The following PI4KA variants were observed in gnomAD, a reference collection of about 807,000 sequenced individuals.
PI4KA encodes the protein PI4-kinase alpha.
Under a neutral mutation model 271.4 loss-of-function variants are expected in PI4KA, and 122 were observed. The observed-to-expected ratio is 0.45, with a 90% CI of 0.39 to 0.52. The LOEUF (loss-of-function observed/expected upper bound fraction) is 0.52. Ranked by LOEUF, PI4KA falls within the 20% of genes least tolerant of loss-of-function variation. The probability of loss-of-function intolerance (pLI) is 0.00; values close to 1 mark genes in which losing one functional copy is unlikely to be tolerated. For missense variants in PI4KA, 1,969 were observed against 2,769.1 expected, an observed-to-expected ratio of 0.71 and a Z score of 6.48; for synonymous variants, 1,041 against 1,078.8, an observed-to-expected ratio of 0.96 and a Z score of 0.69.
Position 20,779,383 on chromosome 22 carries a change from C to G in PI4KA, c.2329-13690G>C, listed in dbSNP as rs749720054. On this transcript the variant is annotated intron_variant, in intron 19 of 54. Coordinates refer to ENST00000255882, the MANE Select transcript of PI4KA (RefSeq NM_058004.4). ...TCTGCGTGGGGTGGGAGCAAAGGCC[C>G]GCTGGATCAGCTAGAGAAAGGAGGG... 3.1e-6 allele frequency: 5 copies of G among 1,614,100 alleles called. No individual in the cohort carries two copies. The African/African-American group carries it at 5.3e-5, about 17-fold the overall frequency.
intron 23 of PI4KA, among the ~76,000 whole-genome samples, chr22:20,756,964 CT>C (rs1931379920): frequency 1.3e-5 from 2 of 152,202 alleles, no homozygotes; most frequent in African/African-American, 2.4e-5. Context: ...AAAAAGGCCA[CT>C]CTCCTCTTAA....
intron 18 of PI4KA, among the ~76,000 whole-genome samples, chr22:20,794,322 C>T (rs1048570901): frequency 3.9e-5 from 6 of 152,192 alleles, no homozygotes; most frequent in African/African-American, 9.7e-5. Flanking sequence ...GCTCCTGAAA[C>T]GCCCCTCAGA....
chr22:20,761,539 G>A (rs765184301), intron 22 of PI4KA, among the ~76,000 whole-genome samples, 153 bp from the exon 23 acceptor site: 26 of 152,174 alleles, frequency 1.7e-4, no homozygotes, highest in Non-Finnish European at 2.8e-4. Context: ...GGAGGGTGAG[G>A]TGCACCATCT....
At chr22:20,741,544 A>G (rs1423018075) in intron 32 of PI4KA, among the ~76,000 whole-genome samples, 1 of 152,186 alleles carries the variant, frequency 6.6e-6, no homozygotes, top group Non-Finnish European at 1.5e-5. Context: ...CCACGAGGTT[A>G]TAAAATAGCA....
rs771950804 is a variant in PI4KA, at chr22:20,714,487, C to T, written c.5432G>A (p.Arg1811Gln). 7 of 1,613,202 alleles carry T rather than the reference C, an allele frequency of 4.3e-6. No individual in the cohort carries two copies. Among genetic ancestry groups the T allele is most frequent in the Admixed American group, 1.7e-5 (1 of 59,910 alleles). ...APYLAKFKVK[R>Q]CGVSELEKEG... ...TTTTTCAAGTTCACTAACTCCACAT[C>T]GCTTCACCTTGAACTTGGCCAGATA... is the stretch of plus-strand genomic sequence containing the variant. The change falls in exon 47 of 55, where the codon CGA becomes CAA. Residue 1811 changes from arginine to glutamine, a missense_variant. Physicochemically the swap from Arg to Gln is conservative, Grantham distance 43. Around this residue, in one of 13 missense-constraint regions of PI4KA, gnomAD observed 388 missense variants for 521.5 expected, o/e 0.74. Transcript: ENST00000255882.
At chr22:20,750,030 G>C in intron 27 of PI4KA, 36 bp from the exon 28 acceptor site, 1 of 1,419,860 alleles carries the variant, frequency 7.0e-7, no homozygotes, top group Non-Finnish European at 1.0e-6. Context: ...AACAACCCGA[G>C]GTCAGTTCAT....
chr22:20,816,901 G>A (rs1434761141), intron 7 of PI4KA, among the ~76,000 whole-genome samples: 1 of 152,204 alleles, frequency 6.6e-6, no homozygotes, highest in African/African-American at 2.4e-5. Flanking sequence ...TCACCACAGA[G>A]GGTGGACAAT....
rs1416439595 is a variant in PI4KA at position 20,710,993 on chromosome 22, T to C, written c.5924-135A>G. ...CCCCCAACAGGCAGGTTGTGTTTTC[T>C]TGGAGACAGTGATGGGGTGGGTGGT... On this transcript the variant is annotated intron_variant, in intron 51 of 54. Coordinates refer to ENST00000255882, the MANE Select transcript of PI4KA (RefSeq NM_058004.4). The C allele has an allele frequency of 7.9e-5, 70 of 888,936 alleles. No homozygotes were observed. The East Asian group carries it at 1.5e-3, about 19-fold the overall frequency. 55.1% of individuals were successfully genotyped at this position (888,936 alleles called of 1,614,324 possible).
rs137958110 is a variant in PI4KA, at chr22:20,786,899, G to C, written c.2328+6294C>G. ...GTTCAAGCACCAAGGCACGATCACA[G>C]TGAACGAGGAAGGCACCCAAGCCAC... On this transcript the variant is annotated intron_variant, in intron 19 of 54. Transcript: ENST00000255882. 9.7e-5 allele frequency: 157 copies of C among 1,614,088 alleles called. No homozygotes were observed. The highest frequency in any genetic ancestry group is 1.3e-4 in the Non-Finnish European group (148 of 1,180,040).
chr22:20,800,062 A>G (rs898207056), intron 14 of PI4KA, among the ~76,000 whole-genome samples: 3 of 152,204 alleles, frequency 2.0e-5, no homozygotes, highest in African/African-American at 7.2e-5. Flanking sequence ...TCTTAAGGTC[A>G]CAGTGACTGA....
intron 2 of PI4KA, among the ~76,000 whole-genome samples, chr22:20,837,205 T>C (rs1420901287): frequency 6.6e-6 from 1 of 152,152 alleles, no homozygotes; most frequent in East Asian, 1.9e-4. Context: ...CTGGGCAACC[T>C]AGCAAGACCC....
At chr22:20,783,167 TAA>T in intron 19 of PI4KA, among the ~76,000 whole-genome samples, 1 of 152,196 alleles carries the variant, frequency 6.6e-6, no homozygotes, top group East Asian at 1.9e-4. Context: ...ATCTTAGAGC[TAA>T]CATAGACATG....
intron 10 of PI4KA, among the ~76,000 whole-genome samples, chr22:20,806,565 G>A (rs779550761): frequency 7.2e-5 from 11 of 151,874 alleles, no homozygotes; most frequent in Non-Finnish European, 1.3e-4. Flanking sequence ...AGCTACTTGG[G>A]AGGCTGAGGC....
At chr22:20,764,589 GAGA>G (rs1932329549) in intron 22 of PI4KA, 3 of 492,170 alleles carry the variant, frequency 6.1e-6, no homozygotes, top group Non-Finnish European at 1.1e-5. Flanking sequence ...TCCTATCAGA[GAGA>G]AGATGATGCG....
intron 42 of PI4KA, among the ~76,000 whole-genome samples, chr22:20,722,627 A>C (rs541174280): frequency 9.8e-4 from 149 of 152,314 alleles, no homozygotes; most frequent in Non-Finnish European, 1.4e-3. Context: ...TAATTAAAAA[A>C]ATTTTTTTTG....
intron 3 of PI4KA, among the ~76,000 whole-genome samples, chr22:20,833,728 C>T (rs1251665924): frequency 2.7e-5 from 4 of 145,814 alleles, no homozygotes; most frequent in Non-Finnish European, 4.5e-5. Flanking sequence ...TAGCATATCT[C>T]GGCTCACTGC....
At chr22:20,759,954 C>G in intron 23 of PI4KA, among the ~76,000 whole-genome samples, 1 of 152,160 alleles carries the variant, frequency 6.6e-6, no homozygotes, top group East Asian at 1.9e-4. Context: ...CCTGCCTCAG[C>G]TTCCCAAAGT....
At chr22:20,796,445 T>C (rs1379791776) in intron 17 of PI4KA, 131 bp from the exon 18 acceptor site, 6 of 729,130 alleles carry the variant, frequency 8.2e-6, no homozygotes, top group South Asian at 1.8e-5. Flanking sequence ...CCAGTGTCTG[T>C]AAACCAAAGA....
At position 20,836,625 on chromosome 22, in the gene PI4KA, T is replaced by G. The variant is rs547235155; in HGVS notation, c.274-1970A>C. On this transcript the variant is annotated intron_variant, in intron 2 of 54. Transcript: ENST00000255882. Reference sequence around the variant, plus strand: ...ACTGCTGGGACCTGAAGGAGGTCAATGCACAGCCCATCCTGGAGGGAAGCA... The same window carrying G: ...ACTGCTGGGACCTGAAGGAGGTCAAGGCACAGCCCATCCTGGAGGGAAGCA... 2.0e-5 allele frequency among the ~76,000 whole-genome samples: 3 copies of G among 152,312 alleles called. No individual in the cohort carries two copies. In the East Asian group the frequency reaches 5.8e-4, roughly 29 times the overall value.
Sources: gnomAD v4.1 joint callset for allele counts (sites outside exome capture counted in the v4.1 genomes callset) on GRCh38, gnomAD v4.1.1 for gene constraint, gnomAD v4.1.1 regional missense constraint, MANE v1.5 for transcripts, NCBI Gene and HGNC (gene_info 2026-07-23, HGNC 2026-07-21) for gene names.